Variants in SCHIP1 observed in about 807,000 individuals in gnomAD.
The protein encoded by SCHIP1 is schwannomin-interacting protein 1.
A neutral mutation model predicts 29.7 loss-of-function variants in SCHIP1; 8 were observed. The ratio of observed to expected loss-of-function variants is 0.27; its 90% CI spans 0.16 to 0.49. SCHIP1 has a LOEUF of 0.49. Among genes scored for constraint, SCHIP1 ranks in the 20% least tolerant of loss-of-function variants. The pLI is 0.99. For missense variants in SCHIP1, 193 were observed against 294.6 expected (o/e 0.66, Z 2.52); for synonymous variants, 76 against 94.9 (o/e 0.80, Z 1.16).
chr3:159,295,646 C>T, the SCHIP1 span, among the ~76,000 whole-genome samples: 1 of 152,156 alleles, frequency 6.6e-6, no homozygotes, highest in African/African-American at 2.4e-5. Context: ...CAGGTCCCAT[C>T]TCTCAGGCTC....
At chr3:159,563,121 A>T in the SCHIP1 span, among the ~76,000 whole-genome samples, 1 of 152,222 alleles carries the variant, frequency 6.6e-6, no homozygotes, top group South Asian at 2.1e-4. Context: ...GCATCTGCAG[A>T]TGCCATTCTT....
At chr3:159,485,588 T>C in the SCHIP1 span, among the ~76,000 whole-genome samples, 117 of 152,286 alleles carry the variant, frequency 7.7e-4, no homozygotes, top group African/African-American at 2.6e-3. Flanking sequence ...AAGTAATATG[T>C]TTATGGCAAA....
the SCHIP1 span, among the ~76,000 whole-genome samples, chr3:159,719,256 G>T: frequency 1.3e-5 from 2 of 152,144 alleles, no homozygotes; most frequent in African/African-American, 4.8e-5. Context: ...AGACTTAAAT[G>T]TCAGACCTAA....
the SCHIP1 span, among the ~76,000 whole-genome samples, chr3:159,526,276 A>G: frequency 6.6e-6 from 1 of 152,046 alleles, no homozygotes; most frequent in Non-Finnish European, 1.5e-5. Flanking sequence ...TCAAGCGATC[A>G]TCCCACCTCA....
At chr3:159,598,751 A>T in the SCHIP1 span, among the ~76,000 whole-genome samples, 1 of 152,166 alleles carries the variant, frequency 6.6e-6, no homozygotes, top group East Asian at 1.9e-4. Flanking sequence ...GCAATAAATG[A>T]TTCATGAATC....
At chr3:159,834,088 C>T in the SCHIP1 span, among the ~76,000 whole-genome samples, 1 of 152,146 alleles carries the variant, frequency 6.6e-6, no homozygotes, top group African/African-American at 2.4e-5. Flanking sequence ...TTCCTGAGTA[C>T]GTAAGAGCTG....
the SCHIP1 span, among the ~76,000 whole-genome samples, chr3:159,518,167 A>C: frequency 6.6e-6 from 1 of 152,126 alleles, no homozygotes; most frequent in Non-Finnish European, 1.5e-5. Context: ...ACTATTTGTC[A>C]TTTTGGAACA....
the SCHIP1 span, among the ~76,000 whole-genome samples, chr3:159,526,764 T>C: frequency 6.6e-6 from 1 of 152,176 alleles, no homozygotes; most frequent in Admixed American, 6.5e-5. Flanking sequence ...AGGTGAAGCT[T>C]GTGGCAATCT....
chr3:159,661,081 T>A, the SCHIP1 span, among the ~76,000 whole-genome samples: 1 of 152,166 alleles, frequency 6.6e-6, no homozygotes, highest in Non-Finnish European at 1.5e-5. Flanking sequence ...AACCTGGAAC[T>A]TGATTATCAT....
chr3:159,392,412 T>C, the SCHIP1 span, among the ~76,000 whole-genome samples: 2 of 152,188 alleles, frequency 1.3e-5, no homozygotes, highest in East Asian at 3.9e-4. Flanking sequence ...CTGCACCCAC[T>C]AACTCGTCAT....
chr3:159,482,081 G>T, the SCHIP1 span, among the ~76,000 whole-genome samples: 14 of 152,116 alleles, frequency 9.2e-5, no homozygotes, highest in East Asian at 1.9e-3. Context: ...ATACTTAACT[G>T]AATTTCTACT....
At chr3:159,714,695 G>A in the SCHIP1 span, among the ~76,000 whole-genome samples, 1 of 152,240 alleles carries the variant, frequency 6.6e-6, no homozygotes, top group African/African-American at 2.4e-5. Context: ...CAAGGCTGGG[G>A]AAGGGGTGCC....
chr3:159,455,772 A>G, the SCHIP1 span, among the ~76,000 whole-genome samples: 3 of 152,224 alleles, frequency 2.0e-5, no homozygotes, highest in East Asian at 5.8e-4. Context: ...TTGAGAGGCC[A>G]GGATGCCAGA....
At chr3:159,575,472 G>T in the SCHIP1 span, among the ~76,000 whole-genome samples, 3 of 152,026 alleles carry the variant, frequency 2.0e-5, no homozygotes, top group Non-Finnish European at 4.4e-5. Flanking sequence ...GTCTCACTCT[G>T]TCACCCAGGC....
the SCHIP1 span, among the ~76,000 whole-genome samples, chr3:159,640,362 C>G: frequency 6.6e-6 from 1 of 152,152 alleles, no homozygotes; most frequent in East Asian, 1.9e-4. Flanking sequence ...TTCTCAGAGT[C>G]AATTCCACAA....
chr3:159,286,452 T>A, the SCHIP1 span, among the ~76,000 whole-genome samples: 1 of 152,214 alleles, frequency 6.6e-6, no homozygotes, highest in Admixed American at 6.5e-5. Flanking sequence ...ATATACCACA[T>A]TTTCTTTATC....
chr3:159,337,197 CA>C, the SCHIP1 span, among the ~76,000 whole-genome samples: 5 of 152,046 alleles, frequency 3.3e-5, no homozygotes, highest in East Asian at 9.7e-4. Flanking sequence ...GGATGTATCT[CA>C]AAATAATAAG....
At chr3:159,802,610 T>A in the SCHIP1 span, among the ~76,000 whole-genome samples, 1 of 152,200 alleles carries the variant, frequency 6.6e-6, no homozygotes, top group African/African-American at 2.4e-5. Flanking sequence ...GTGGGTGGAA[T>A]TCATTCTGGA....
chr3:159,810,479 C>A, the SCHIP1 span, among the ~76,000 whole-genome samples: 1 of 152,206 alleles, frequency 6.6e-6, no homozygotes, highest in South Asian at 2.1e-4. Context: ...TATCCTCATT[C>A]CTACTACCAG....
Sources: allele counts gnomAD v4.1 joint callset (sites outside exome capture counted in the v4.1 genomes callset), GRCh38; gene constraint gnomAD v4.1.1; transcripts MANE v1.5; gene names NCBI Gene and HGNC (gene_info 2026-07-23, HGNC 2026-07-21).